CAMKMT: variants seen among roughly 807,000 people sequenced by gnomAD.
The protein encoded by CAMKMT is CaM KMT.
Under a neutral mutation model 48.0 loss-of-function variants are expected in CAMKMT, and 53 were observed. The ratio of observed to expected loss-of-function variants is 1.10; its 90% confidence interval spans 0.89 to 1.39. The LOEUF (loss-of-function observed/expected upper bound fraction) is 1.39. CAMKMT is among the 40% of genes most tolerant of loss of function. The pLI, the probability that CAMKMT is intolerant of heterozygous loss-of-function variation, is 0.00. For synonymous variants in CAMKMT, 165 were observed against 152.3 expected, an observed-to-expected ratio of 1.08 and a Z score of -0.61; for missense variants, 428 against 402.7, an observed-to-expected ratio of 1.06 and a Z score of -0.54.
chr2:44,426,408 A>G (rs1179034485), intron 3 of CAMKMT, among the ~76,000 whole-genome samples: 1 of 152,206 alleles, frequency 6.6e-6, no homozygotes, highest in East Asian at 1.9e-4. Flanking sequence ...GTCTCTCTTC[A>G]TTGACCATGT....
intron 3 of CAMKMT, among the ~76,000 whole-genome samples, chr2:44,513,957 C>G (rs1423124412): frequency 6.6e-6 from 1 of 151,898 alleles, no homozygotes; most frequent in Non-Finnish European, 1.5e-5. Flanking sequence ...TAAAACTTAG[C>G]CAGGCATGGT....
chr2:44,393,572 C>T (rs987760490), intron 3 of CAMKMT: 1 of 152,160 alleles, frequency 6.6e-6, no homozygotes, highest in Non-Finnish European at 1.5e-5. Flanking sequence ...TGAGAACCTA[C>T]TTTCTTTTGA....
chr2:44,689,723 TTC>T (rs575986040), intron 3 of CAMKMT, among the ~76,000 whole-genome samples: 4 of 152,222 alleles, frequency 2.6e-5, no homozygotes, highest in Non-Finnish European at 5.9e-5. Context: ...TCTTCTCACT[TTC>T]TGACATCCTC....
intron 3 of CAMKMT, among the ~76,000 whole-genome samples, chr2:44,592,787 C>G (rs1028797667): frequency 6.7e-6 from 1 of 148,848 alleles, no homozygotes; most frequent in African/African-American, 2.5e-5. Flanking sequence ...GATCAGAGAA[C>G]ATATTTTGCA....
intron 8 of CAMKMT, among the ~76,000 whole-genome samples, chr2:44,750,588 C>T (rs1018904229): frequency 1.3e-5 from 2 of 152,226 alleles, no homozygotes; most frequent in African/African-American, 4.8e-5. Context: ...ATGTATGTCT[C>T]ATACACTCCT....
intron 3 of CAMKMT, among the ~76,000 whole-genome samples, chr2:44,613,437 T>C (rs1383811325): frequency 6.6e-6 from 1 of 152,184 alleles, no homozygotes; most frequent in Non-Finnish European, 1.5e-5. Flanking sequence ...AGGACCCTCA[T>C]CTAGTGCCAG....
chr2:44,677,885 A>T (rs931995196), intron 3 of CAMKMT, among the ~76,000 whole-genome samples: 2 of 152,014 alleles, frequency 1.3e-5, no homozygotes, highest in African/African-American at 4.8e-5. Flanking sequence ...GTGAGAGTCA[A>T]TGTGTATGTG....
intron 3 of CAMKMT, among the ~76,000 whole-genome samples, chr2:44,490,337 G>T (rs79401790): frequency 1.3e-5 from 2 of 151,886 alleles, no homozygotes; most frequent in African/African-American, 4.8e-5. Context: ...GTGCAATGGC[G>T]CGATCTTGGC....
chr2:44,683,822 C>CAAAAAAAAAAAAAAAAAAAAAAAAAA (rs10644183), intron 3 of CAMKMT, among the ~76,000 whole-genome samples: 1 of 70,930 alleles, frequency 1.4e-5, no homozygotes, highest in Non-Finnish European at 2.5e-5. Flanking sequence ...GACTCTGTCT[C>CAAAAAAAAAAAAAAAAAAAAAAAAAA]AAAAAAAAAA....
At chr2:44,472,208 C>A (rs1415179005) in intron 3 of CAMKMT, among the ~76,000 whole-genome samples, 1 of 151,682 alleles carries the variant, frequency 6.6e-6, no homozygotes, top group Non-Finnish European at 1.5e-5. Flanking sequence ...GTAGCTGGGA[C>A]TACAGGTGCC....
chr2:44,631,226 A>G (rs994412226), intron 3 of CAMKMT, among the ~76,000 whole-genome samples: 2 of 152,120 alleles, frequency 1.3e-5, no homozygotes, highest in Non-Finnish European at 2.9e-5. Context: ...GAAGGGGAAC[A>G]TCACACTCTG....
intron 3 of CAMKMT, 46 bp downstream of exon 3, chr2:44,390,351 A>C (rs372985704): frequency 1.5e-5 from 20 of 1,368,670 alleles, no homozygotes; most frequent in Non-Finnish European, 2.0e-5. Context: ...GTGTTTTACA[A>C]AGTGAATTTA....
intron 3 of CAMKMT, among the ~76,000 whole-genome samples, chr2:44,487,135 A>G (rs796890455): frequency 2.6e-5 from 4 of 152,354 alleles, no homozygotes; most frequent in Non-Finnish European, 4.4e-5. Flanking sequence ...TCAAAATAAA[A>G]AAAAGTTTAT....
At chr2:44,541,472 G>A (rs79150516) in intron 3 of CAMKMT, among the ~76,000 whole-genome samples, 23 of 151,992 alleles carry the variant, frequency 1.5e-4, no homozygotes, top group South Asian at 4.2e-4. Flanking sequence ...GAAGTTTTCC[G>A]GTTATTATGT....
At chr2:44,480,098 A>C (rs372448159) in intron 3 of CAMKMT, among the ~76,000 whole-genome samples, 1 of 152,192 alleles carries the variant, frequency 6.6e-6, no homozygotes, top group Non-Finnish European at 1.5e-5. Context: ...TAACATTGCC[A>C]TTCAACTTTT....
At chr2:44,388,441 G>C (rs1680987223) in intron 2 of CAMKMT, among the ~76,000 whole-genome samples, 1 of 152,050 alleles carries the variant, frequency 6.6e-6, no homozygotes, top group Non-Finnish European at 1.5e-5. Flanking sequence ...CTTGCATTGG[G>C]CTTTGCCTTT....
chr2:44,699,652 G>A (rs1338957494), intron 3 of CAMKMT, among the ~76,000 whole-genome samples: 1 of 151,872 alleles, frequency 6.6e-6, no homozygotes. Flanking sequence ...GTGGAGTGCA[G>A]TGGCTATTCA....
chr2:44,399,081 C>T (rs1457404112), intron 3 of CAMKMT, among the ~76,000 whole-genome samples: 12 of 152,126 alleles, frequency 7.9e-5, no homozygotes, highest in East Asian at 7.7e-4. Context: ...ATTATAGATA[C>T]GTCACATGCT....
In CAMKMT at chr2:44,373,138, T is replaced by C. The variant is rs533674980; in HGVS notation, c.311+250T>C. Among the ~76,000 whole-genome samples the C allele has an allele frequency of 2.6e-5, 4 of 152,318 alleles. No individual in the cohort carries two copies. The South Asian group carries it at 8.3e-4, about 32-fold the overall frequency. ...ATAAGGTGGTTGCAAATCAAAGGGT[T>C]CATTTAAACATTCTGTCATAACATT... On this transcript the variant is annotated intron_variant, in intron 2 of 10. Coordinates refer to ENST00000378494, the MANE Select transcript of CAMKMT (RefSeq NM_024766.5).
Sources: allele counts gnomAD v4.1 joint callset (sites outside exome capture counted in the v4.1 genomes callset), GRCh38; gene constraint gnomAD v4.1.1; transcripts MANE v1.5; gene names NCBI Gene and HGNC (gene_info 2026-07-23, HGNC 2026-07-21).